The following CSMD1 variants were observed in gnomAD, a reference collection of about 807,000 sequenced individuals.
CSMD1 encodes the protein CUB and Sushi multiple domains 1, also known as CUB and sushi domain-containing protein 1.
Under a neutral mutation model 417.5 loss-of-function variants are expected in CSMD1, and 213 were observed. The ratio of observed to expected loss-of-function variants is 0.51; its 90% CI spans 0.46 to 0.57. The LOEUF (loss-of-function observed/expected upper bound fraction) is 0.57. CSMD1 is among the 20% of genes least tolerant of loss of function. The pLI, the probability that CSMD1 is intolerant of heterozygous loss-of-function variation, is 0.00. For synonymous variants in CSMD1, 2,862 were observed against 1,736.8 expected (o/e 1.65, Z -16.11); for missense variants, 6,923 against 4,529.7 (o/e 1.53, Z -15.17).
At chr8:4,753,019 T>G (rs1811431577) in intron 1 of CSMD1, among the ~76,000 whole-genome samples, 1 of 152,232 alleles carries the variant, frequency 6.6e-6, no homozygotes, top group South Asian at 2.1e-4. Context: ...AGTTATTATT[T>G]ATCCAATGCA....
At chr8:4,839,251 G>C (rs1000917677) in intron 1 of CSMD1, among the ~76,000 whole-genome samples, 1 of 152,112 alleles carries the variant, frequency 6.6e-6, no homozygotes, top group Non-Finnish European at 1.5e-5. Context: ...CCTAACTTCA[G>C]TCTCCCAATT....
intron 2 of CSMD1, among the ~76,000 whole-genome samples, chr8:4,567,283 T>C (rs1798658762): frequency 6.6e-6 from 1 of 152,158 alleles, no homozygotes; most frequent in Non-Finnish European, 1.5e-5. Context: ...TTGTGTTATT[T>C]CTCAGAGCTT....
In CSMD1 at chr8:4,212,748, A is replaced by ATTTTTTTTTT. The variant is rs1233118651; in HGVS notation, c.416-180650_416-180649insAAAAAAAAAA. ...GTGAAAAGTTTACAACAGCGGCCTTATTCTTTTTTTTTTTTTTTTTTTTTT... is the reference window on the plus strand; with the variant it reads ...GTGAAAAGTTTACAACAGCGGCCTTATTTTTTTTTTTTCTTTTTTTTTTTTTTTTTTTTTT... On this transcript the variant is annotated intron_variant, in intron 3 of 69. Transcript: ENST00000635120. Among the ~76,000 whole-genome samples, 3 of 101,904 alleles carry ATTTTTTTTTT rather than the reference A, an allele frequency of 2.9e-5. No individual in the cohort carries two copies. The East Asian group carries it at 1.0e-3, about 34-fold the overall frequency. The allele number at this position is 101,904 out of a possible 152,430, so 66.9% of individuals were successfully genotyped here.
intron 2 of CSMD1, among the ~76,000 whole-genome samples, chr8:4,550,632 G>C (rs549647136): frequency 2.8e-4 from 42 of 152,056 alleles, no homozygotes; most frequent in Admixed American, 1.5e-3. Context: ...ATAGATGTTG[G>C]GATTTAAAAG....
intron 26 of CSMD1, among the ~76,000 whole-genome samples, chr8:3,264,442 C>A (rs1286667025): frequency 6.6e-6 from 1 of 152,124 alleles, no homozygotes; most frequent in South Asian, 2.1e-4. Context: ...TCAGGAGAAT[C>A]TTATTTCTGT....
At chr8:3,659,788 C>T (rs1424608048) in intron 7 of CSMD1, among the ~76,000 whole-genome samples, 1 of 152,096 alleles carries the variant, frequency 6.6e-6, no homozygotes, top group Non-Finnish European at 1.5e-5. Flanking sequence ...TCCCAATACG[C>T]AATAGAACTG....
At chr8:3,320,557 T>C (rs1434129808) in intron 23 of CSMD1, among the ~76,000 whole-genome samples, 37 of 152,182 alleles carry the variant, frequency 2.4e-4, no homozygotes, top group Admixed American at 2.4e-3. Context: ...TACAAAGAAA[T>C]TGTCCCACCA....
intron 7 of CSMD1, among the ~76,000 whole-genome samples, chr8:3,691,100 C>G (rs150417393): frequency 6.6e-6 from 1 of 152,086 alleles, no homozygotes; most frequent in Non-Finnish European, 1.5e-5. Flanking sequence ...GGCTTGGTGG[C>G]TCACACCTGT....
chr8:4,418,673 G>A (rs1056749000), intron 3 of CSMD1, among the ~76,000 whole-genome samples: 2 of 152,152 alleles, frequency 1.3e-5, no homozygotes, highest in Non-Finnish European at 2.9e-5. Flanking sequence ...GAAATGATGT[G>A]AATTTAGAGT....
chr8:4,721,812 C>T (rs1252974558), intron 1 of CSMD1, among the ~76,000 whole-genome samples: 1 of 152,128 alleles, frequency 6.6e-6, no homozygotes, highest in Non-Finnish European at 1.5e-5. Flanking sequence ...ACCTAGGCAT[C>T]CACCAATGCA....
At chr8:4,655,248 T>C (rs771383499) in intron 1 of CSMD1, among the ~76,000 whole-genome samples, 8 of 152,060 alleles carry the variant, frequency 5.3e-5, no homozygotes, top group Admixed American at 2.6e-4. Flanking sequence ...GTTGCTAAAA[T>C]TGAATAGAAC....
At chr8:4,202,464 G>C (rs116508693) in intron 3 of CSMD1, among the ~76,000 whole-genome samples, 2 of 152,172 alleles carry the variant, frequency 1.3e-5, no homozygotes, top group Admixed American at 1.3e-4. Flanking sequence ...CATTACGTAA[G>C]TTTTAACTAA....
intron 3 of CSMD1, among the ~76,000 whole-genome samples, chr8:4,357,309 T>G (rs746828857): frequency 6.6e-6 from 1 of 152,230 alleles, no homozygotes; most frequent in Non-Finnish European, 1.5e-5. Flanking sequence ...TTCTCACATT[T>G]CCTCCTGATA....
intron 3 of CSMD1, among the ~76,000 whole-genome samples, chr8:4,181,709 C>T (rs1057283203): frequency 1.3e-5 from 2 of 149,288 alleles, no homozygotes; most frequent in Non-Finnish European, 3.0e-5. Context: ...AATATAATCT[C>T]CCCTCAGAAA....
chr8:3,465,316 T>C (rs557084927), intron 12 of CSMD1, among the ~76,000 whole-genome samples: 1 of 152,182 alleles, frequency 6.6e-6, no homozygotes, highest in African/African-American at 2.4e-5. Context: ...CCTCCAGGCA[T>C]CTTGAGGGGA....
At chr8:4,035,508 A>C (rs1264545792) in intron 3 of CSMD1, among the ~76,000 whole-genome samples, 1 of 145,548 alleles carries the variant, frequency 6.9e-6, no homozygotes, top group Non-Finnish European at 1.5e-5. Context: ...CCTTGCCCCG[A>C]AGACCTTCTG....
At chr8:4,363,663 A>G (rs957895647) in intron 3 of CSMD1, among the ~76,000 whole-genome samples, 1 of 152,204 alleles carries the variant, frequency 6.6e-6, no homozygotes, top group African/African-American at 2.4e-5. Context: ...GGCAGCCTTT[A>G]AAAAGCATTA....
intron 3 of CSMD1, among the ~76,000 whole-genome samples, chr8:4,374,172 C>A (rs943755427): frequency 6.6e-6 from 1 of 152,080 alleles, no homozygotes; most frequent in East Asian, 1.9e-4. Context: ...TTTTAGATCC[C>A]CCCTCTGAGT....
In CSMD1 at chr8:4,456,548, T is replaced by C. The variant is rs185303320; in HGVS notation, c.303-36483A>G. On this transcript the variant is annotated intron_variant, in intron 2 of 69. Transcript: ENST00000635120. ...GTTGGCACTTCAGTAGTGACACCAC[T>C]TTGGGTAGAACTGAAAACAGCCCTG... Among the ~76,000 whole-genome samples the C allele has an allele frequency of 1.6e-3, 241 of 152,312 alleles. 1 individual carries two copies. The highest frequency in any genetic ancestry group is 5.4e-3 in the African/African-American group (226 of 41,570).
Sources: gnomAD v4.1 joint callset for allele counts (sites outside exome capture counted in the v4.1 genomes callset) on GRCh38, gnomAD v4.1.1 for gene constraint, MANE v1.5 for transcripts, NCBI Gene and HGNC (gene_info 2026-07-23, HGNC 2026-07-21) for gene names.